The following GALNT10 variants were observed in gnomAD, a reference collection of about 807,000 sequenced individuals.
GALNT10 encodes the protein polypeptide N-acetylgalactosaminyltransferase 10.
A neutral mutation model predicts 75.0 loss-of-function variants in GALNT10; 41 were observed. That is an observed-to-expected ratio of 0.55 (90% confidence interval 0.43 to 0.71). The LOEUF (loss-of-function observed/expected upper bound fraction) is 0.71. GALNT10 is among the 30% of genes least tolerant of loss of function. The probability of loss-of-function intolerance (pLI) is 0.00; values close to 1 mark genes in which losing one functional copy is unlikely to be tolerated. For missense variants in GALNT10, 727 were observed against 818.5 expected, an observed-to-expected ratio of 0.89 and a Z score of 1.36; for synonymous variants, 302 against 313.0, an observed-to-expected ratio of 0.96 and a Z score of 0.37.
At chr5:154,223,781 G>T (rs555879615) in intron 1 of GALNT10, among the ~76,000 whole-genome samples, 1 of 152,084 alleles carries the variant, frequency 6.6e-6, no homozygotes, top group Non-Finnish European at 1.5e-5. Flanking sequence ...TTAACTGGGC[G>T]TGGTGGTGCA....
At chr5:154,414,861 C>T (rs1263516238) in intron 10 of GALNT10, among the ~76,000 whole-genome samples, 3 of 152,126 alleles carry the variant, frequency 2.0e-5, no homozygotes, top group African/African-American at 4.8e-5. Flanking sequence ...CGGTGGCTCA[C>T]GCCTGTAATC....
At chr5:154,322,859 C>A (rs927651905) in intron 3 of GALNT10, among the ~76,000 whole-genome samples, 2 of 152,172 alleles carry the variant, frequency 1.3e-5, no homozygotes, top group Non-Finnish European at 2.9e-5. Flanking sequence ...TCAAGAGATA[C>A]GGAGACAAAA....
chr5:154,360,028 C>T (rs1019660830), intron 4 of GALNT10, among the ~76,000 whole-genome samples: 1 of 151,974 alleles, frequency 6.6e-6, no homozygotes, highest in African/African-American at 2.4e-5. Context: ...CATGAGCATA[C>T]GTAAAGATGC....
At chr5:154,221,072 C>T (rs941004693) in intron 1 of GALNT10, among the ~76,000 whole-genome samples, 4 of 152,144 alleles carry the variant, frequency 2.6e-5, no homozygotes, top group African/African-American at 7.2e-5. Context: ...CACTTTTGTC[C>T]TTCACAAGTA....
intron 1 of GALNT10, chr5:154,219,951 A>G (rs1428201926): frequency 6.6e-6 from 1 of 152,048 alleles, no homozygotes; most frequent in Non-Finnish European, 1.5e-5. Context: ...GTAGACCTTC[A>G]AGAAAACCAT....
At chr5:154,337,829 TC>T in intron 4 of GALNT10, 1 of 1,014,142 alleles carries the variant, frequency 9.9e-7, no homozygotes. Context: ...CACCAAAGTT[TC>T]CAGAGCCACT....
At chr5:154,393,323 C>G (rs1397070835) in intron 7 of GALNT10, among the ~76,000 whole-genome samples, 1 of 152,156 alleles carries the variant, frequency 6.6e-6, no homozygotes, top group Non-Finnish European at 1.5e-5. Context: ...GTCTTCCTGC[C>G]TCGGGCTCCC....
intron 1 of GALNT10, among the ~76,000 whole-genome samples, chr5:154,217,352 T>C (rs985965691): frequency 6.6e-6 from 1 of 152,160 alleles, no homozygotes; most frequent in Non-Finnish European, 1.5e-5. Flanking sequence ...ATCACGCTCC[T>C]CTTGTGGAAA....
At chr5:154,252,342 C>T (rs1402491748) in intron 1 of GALNT10, among the ~76,000 whole-genome samples, 4 of 152,112 alleles carry the variant, frequency 2.6e-5, no homozygotes. Context: ...GAAGCTCTAC[C>T]TCTAGTAGAT....
rs567009180 is a variant in GALNT10, at chr5:154,207,648, G to A, written c.159+16623G>A. ...AATCCTGACCTAAGTCTTTTACGGG[G>A]AGTGGGATGGTTTAGCCAGACAGGG... On this transcript the variant is annotated intron_variant, in intron 1 of 11. Coordinates refer to ENST00000297107, the MANE Select transcript of GALNT10 (RefSeq NM_198321.4). 2.6e-5 allele frequency among the ~76,000 whole-genome samples: 4 copies of A among 152,286 alleles called. No homozygotes were observed. In the South Asian group the frequency reaches 8.3e-4, roughly 32 times the overall value.
Position 154,417,046 on chromosome 5 carries a change from G to A in GALNT10, c.*74G>A. The A allele has an allele frequency of 1.5e-6, 2 of 1,356,228 alleles. No homozygotes were observed. Among genetic ancestry groups the A allele is most frequent in the Non-Finnish European group, 2.1e-6 (2 of 959,102 alleles). The allele number at this position is 1,356,228 out of a possible 1,614,324, so 84.0% of individuals were successfully genotyped here. ...GACTTCCTCTTTCAAGGGAGGCAGG[G>A]CCCCTGTGGGCACTAGGTGTAAAAG... On this transcript the variant is annotated 3_prime_UTR_variant, in exon 12 of 12. Coordinates refer to ENST00000297107, the MANE Select transcript of GALNT10 (RefSeq NM_198321.4).
chr5:154,253,066 A>G (rs1411272491), intron 1 of GALNT10, among the ~76,000 whole-genome samples: 2 of 91,226 alleles, frequency 2.2e-5, no homozygotes, highest in African/African-American at 9.1e-5. Flanking sequence ...TTTTATTTCT[A>G]GTTCTTTGCT....
At chr5:154,308,756 T>G (rs1754469729) in intron 3 of GALNT10, among the ~76,000 whole-genome samples, 1 of 152,238 alleles carries the variant, frequency 6.6e-6, no homozygotes, top group Non-Finnish European at 1.5e-5. Context: ...TCAGGCTTAT[T>G]ATGCTAAAAT....
chr5:154,413,379 C>A (rs1756442081), intron 10 of GALNT10, among the ~76,000 whole-genome samples: 1 of 152,218 alleles, frequency 6.6e-6, no homozygotes, highest in African/African-American at 2.4e-5. Context: ...GCAGATGTGG[C>A]CATCAGCAGC....
At chr5:154,288,169 A>G (rs1014256834) in intron 1 of GALNT10, among the ~76,000 whole-genome samples, 2 of 152,200 alleles carry the variant, frequency 1.3e-5, no homozygotes, top group African/African-American at 4.8e-5. Context: ...TGACCTGCTC[A>G]GCTTTCCTTC....
intron 3 of GALNT10, among the ~76,000 whole-genome samples, chr5:154,310,445 T>TG (rs1554098093): frequency 8.0e-5 from 4 of 50,168 alleles, no homozygotes; most frequent in South Asian, 7.1e-4. Context: ...TTTTTTGTTT[T>TG]TTTTTTTGTT....
chr5:154,251,859 CT>C (rs879466017), intron 1 of GALNT10, among the ~76,000 whole-genome samples: 2 of 152,094 alleles, frequency 1.3e-5, no homozygotes, highest in Non-Finnish European at 2.9e-5. Flanking sequence ...GGGCTTGTTT[CT>C]TGCCTTGAGA....
rs570048276 is a variant in GALNT10, at chr5:154,397,407, A to G, written c.1057-6697A>G. Among the ~76,000 whole-genome samples the G allele has an allele frequency of 3.3e-4, 50 of 152,320 alleles. 1 individual carries two copies. In the South Asian group the frequency reaches 9.3e-3, roughly 28 times the overall value. ...ATGGGCCACGTGCCCACAGGACACC[A>G]TATGGATAGCTCACGGTGTCCTCTG... On this transcript the variant is annotated intron_variant, in intron 7 of 11. Coordinates refer to ENST00000297107, the MANE Select transcript of GALNT10 (RefSeq NM_198321.4).
intron 4 of GALNT10, among the ~76,000 whole-genome samples, chr5:154,372,476 C>T (rs1279659646): frequency 6.6e-6 from 1 of 152,174 alleles, no homozygotes; most frequent in Non-Finnish European, 1.5e-5. Flanking sequence ...TTTTCTGAAG[C>T]AGATCCTGGG....
Sources: gnomAD v4.1 joint callset for allele counts (sites outside exome capture counted in the v4.1 genomes callset) on GRCh38, gnomAD v4.1.1 for gene constraint, MANE v1.5 for transcripts, NCBI Gene and HGNC (gene_info 2026-07-23, HGNC 2026-07-21) for gene names.